GET4: variants seen among roughly 807,000 people sequenced by gnomAD.
GET4 encodes Golgi to ER traffic protein 4 homolog.
In GET4, 20 loss-of-function variants were observed where a neutral mutation model predicts 40.0. The ratio of observed to expected loss-of-function variants is 0.50; its 90% CI spans 0.35 to 0.73. The LOEUF (loss-of-function observed/expected upper bound fraction) is 0.73, where lower values mean the gene tolerates loss of function less well. GET4 is among the 30% of genes least tolerant of loss of function. The pLI, the probability that GET4 is intolerant of heterozygous loss-of-function variation, is 0.01. For missense variants in GET4, 557 were observed against 454.0 expected, an observed-to-expected ratio of 1.23 and a Z score of -2.06; for synonymous variants, 280 against 194.6, an observed-to-expected ratio of 1.44 and a Z score of -3.65.
intron 8 of GET4, among the ~76,000 whole-genome samples, chr7:895,030 T>A (rs1844444344): frequency 6.6e-6 from 1 of 151,346 alleles, no homozygotes; most frequent in African/African-American, 2.4e-5. Context: ...CTCCTGTTGG[T>A]GGGTGTGGAG....
At chr7:886,258 G>A in intron 2 of GET4, 124 bp downstream of exon 2, 1 of 680,934 alleles carries the variant, frequency 1.5e-6, no homozygotes, top group Non-Finnish European at 2.6e-6. Flanking sequence ...CACTGGGGCT[G>A]TGGGTGGCAG....
intron 6 of GET4, 119 bp downstream of exon 6, chr7:892,537 G>A: frequency 9.4e-7 from 1 of 1,066,016 alleles, no homozygotes; most frequent in Admixed American, 2.0e-5. Flanking sequence ...GTAGCCGTGT[G>A]GGTATATGCA....
At position 895,951 on chromosome 7, in the gene GET4, G is replaced by C. The variant is rs569658711; in HGVS notation, c.*529G>C. Reference sequence around the variant, plus strand: ...GGTCCCCGTCGCAGACGGAGTGCACGTGCCCTGCGCCACATCCTCACGCTC... The same window carrying C: ...GGTCCCCGTCGCAGACGGAGTGCACCTGCCCTGCGCCACATCCTCACGCTC... On this transcript the variant is annotated 3_prime_UTR_variant, in exon 9 of 9. Transcript: ENST00000265857. 6.6e-6 allele frequency: 1 copy of C among 152,436 alleles called. No individual in the cohort carries two copies. The highest frequency in any genetic ancestry group is 6.5e-5 in the Admixed American group (1 of 15,314). 9.4% of individuals were successfully genotyped at this position (152,436 alleles called of 1,614,324 possible). A position where few individuals can be genotyped will look rare whatever the true frequency, so the allele number is the denominator to read the frequency against.
intron 1 of GET4, chr7:882,903 C>G (rs1179794344): frequency 6.7e-6 from 1 of 149,346 alleles, no homozygotes; most frequent in Admixed American, 6.7e-5. Flanking sequence ...CCTGCAGCAG[C>G]TGTCCCCCTG....
chr7:877,123 C>G (rs1331138534), intron 1 of GET4, among the ~76,000 whole-genome samples: 4 of 151,658 alleles, frequency 2.6e-5, no homozygotes, highest in African/African-American at 9.7e-5. Flanking sequence ...CGGCCTTCCT[C>G]TGTCTCCTCG....
chr7:885,762 G>A, intron 1 of GET4: 2 of 399,746 alleles, frequency 5.0e-6, no homozygotes. Flanking sequence ...TGGCCTTTCT[G>A]GTCCCAGCTA....
At position 893,887 on chromosome 7, in the gene GET4, T is replaced by G. The variant is rs1436720288; in HGVS notation, c.823-12T>G. 3 of 1,612,184 alleles carry G rather than the reference T, an allele frequency of 1.9e-6. No homozygotes were observed. Among genetic ancestry groups the G allele is most frequent in the Admixed American group, 3.3e-5 (2 of 59,894 alleles). On this transcript the variant is annotated splice_polypyrimidine_tract_variant and intron_variant, in intron 7 of 8. Transcript: ENST00000265857. ...GTCCACCCCCTCTGAGCCCGCTGCC[T>G]GTGCCTTGCAGTACCTCGACCGCAT...
In GET4 at chr7:886,373, C is replaced by T. The variant is rs545337737; in HGVS notation, c.235-196C>T. 350 of 610,190 alleles carry T rather than the reference C, an allele frequency of 5.7e-4. 9 individuals are homozygous for T. Among genetic ancestry groups the T allele is most frequent in the South Asian group, 5.3e-3 (271 of 51,510 alleles). 37.8% of individuals were successfully genotyped at this position (610,190 alleles called of 1,614,324 possible). A position where few individuals can be genotyped will look rare whatever the true frequency, so the allele number is the denominator to read the frequency against. On this transcript the variant is annotated intron_variant, in intron 2 of 8. Coordinates refer to ENST00000265857, the MANE Select transcript of GET4 (RefSeq NM_015949.3). ...TGAGAGGGCGTTGTGTTGGTATAAA[C>T]GTCCCCGTCCATTTTCATGTGATTC...
intron 8 of GET4, among the ~76,000 whole-genome samples, chr7:894,695 T>G (rs530722713): frequency 2.0e-5 from 3 of 152,332 alleles, no homozygotes; most frequent in Non-Finnish European, 1.5e-5. Flanking sequence ...CGTCAGGGCG[T>G]GTCCTGAGAT....
At chr7:877,389 C>T (rs551386844) in intron 1 of GET4, among the ~76,000 whole-genome samples, 1 of 119,806 alleles carries the variant, frequency 8.3e-6, no homozygotes, top group African/African-American at 3.3e-5. Context: ...CTTCCAGCCT[C>T]CCCCTGCTCC....
At chr7:894,442 T>C (rs1374711752) in intron 8 of GET4, among the ~76,000 whole-genome samples, 1 of 152,128 alleles carries the variant, frequency 6.6e-6, no homozygotes, top group Non-Finnish European at 1.5e-5. Flanking sequence ...CTTCCCAGCG[T>C]CACCTGTCTG....
At chr7:882,691 G>C (rs558634602) in intron 1 of GET4, 1 of 152,662 alleles carries the variant, frequency 6.6e-6, no homozygotes. Flanking sequence ...TTGCCCCGGG[G>C]ATGGCGCGGG....
intron 1 of GET4, 133 bp from the exon 2 acceptor site, chr7:885,923 C>A: frequency 1.0e-5 from 7 of 679,332 alleles, no homozygotes; most frequent in East Asian, 2.5e-5. Flanking sequence ...AGCACCTGGG[C>A]CCTGGGAGCG....
Position 884,016 on chromosome 7 carries a change from G to A in GET4, c.156-2040G>A, listed in dbSNP as rs764748308. On this transcript the variant is annotated intron_variant, in intron 1 of 8. Coordinates refer to ENST00000265857, the MANE Select transcript of GET4 (RefSeq NM_015949.3). The stretch of plus-strand genomic sequence containing the variant: ...CGCAGTCCAAACCAGGCCGGGGGCC[G>A]TGACCATCGGCAGTGCCCCCCAGAG... 160 of 1,142,178 alleles carry A rather than the reference G, an allele frequency of 1.4e-4. 2 individuals are homozygous for A. The highest frequency in any genetic ancestry group is 2.9e-4 in the Admixed American group (7 of 24,448). 70.8% of individuals were successfully genotyped at this position (1,142,178 alleles called of 1,614,324 possible). A position where few individuals can be genotyped will look rare whatever the true frequency, so the allele number is the denominator to read the frequency against.
At chr7:894,686 G>T (rs368995615) in intron 8 of GET4, among the ~76,000 whole-genome samples, 1 of 152,238 alleles carries the variant, frequency 6.6e-6, no homozygotes, top group African/African-American at 2.4e-5. Context: ...CAGAAGCGCC[G>T]TCAGGGCGTG....
intron 4 of GET4, among the ~76,000 whole-genome samples, chr7:887,878 C>A (rs1351272880): frequency 6.6e-6 from 1 of 152,212 alleles, no homozygotes; most frequent in African/African-American, 2.4e-5. Context: ...TTTACGCTGA[C>A]CTCATCTTCT....
intron 1 of GET4, chr7:881,388 C>T (rs1844083230): frequency 6.6e-6 from 1 of 151,392 alleles, no homozygotes; most frequent in Non-Finnish European, 1.5e-5. Context: ...GCGGGCTGCA[C>T]TTAGGTGAGG....
chr7:879,588 C>T (rs1271759196), intron 1 of GET4, among the ~76,000 whole-genome samples: 1 of 152,180 alleles, frequency 6.6e-6, no homozygotes, highest in Non-Finnish European at 1.5e-5. Context: ...GAAGGGCAGC[C>T]TTGTTTCCAG....
In GET4 at chr7:893,793, G is replaced by A. The variant is rs140715950; in HGVS notation, c.800G>A (p.Arg267Gln). ...TGTGAGCAGTACCAGCCATCCCTCC[G>A]GCGGGACCCCATGTACAACGAGGTG... is the stretch of plus-strand genomic sequence containing the variant. ...VLCEQYQPSL[R>Q]RDPMYNEYLD... The change falls in exon 7 of 9, where the codon CGG (arginine) becomes CAG (glutamine). Residue 267 changes from arginine (R) to glutamine (Q), a missense_variant. Arg to Gln is a conservative substitution (Grantham distance 43, BLOSUM62 1). Transcript: ENST00000265857. 1.3e-4 allele frequency: 215 copies of A among 1,611,432 alleles called. No individual in the cohort carries two copies. Among genetic ancestry groups the A allele is most frequent in the Non-Finnish European group, 1.6e-4 (194 of 1,178,218 alleles).
Sources: gnomAD v4.1 joint callset for allele counts (sites outside exome capture counted in the v4.1 genomes callset) on GRCh38, gnomAD v4.1.1 for gene constraint, MANE v1.5 for transcripts, NCBI Gene and HGNC (gene_info 2026-07-23, HGNC 2026-07-21) for gene names.